Variants in CNTLN observed in about 807,000 individuals in gnomAD.
The protein encoded by CNTLN is centlein, centrosomal protein.
A neutral mutation model predicts 180.0 loss-of-function variants in CNTLN; 212 were observed. The ratio of observed to expected loss-of-function variants is 1.18; its 90% CI spans 1.05 to 1.32. The LOEUF is 1.32. CNTLN is among the 40% of genes most tolerant of loss of function. CNTLN has a pLI of 0.00. For synonymous variants in CNTLN, 722 were observed against 563.1 expected, an observed-to-expected ratio of 1.28 and a Z score of -3.99; for missense variants, 2,095 against 1,610.9, an observed-to-expected ratio of 1.30 and a Z score of -5.14.
At chr9:17,293,342 C>G (rs933640218) in intron 6 of CNTLN, among the ~76,000 whole-genome samples, 1 of 152,232 alleles carries the variant, frequency 6.6e-6, no homozygotes, top group Non-Finnish European at 1.5e-5. Context: ...ATCATCTGGA[C>G]TGCCTGGATT....
chr9:17,477,462 G>T (rs1241864999), intron 23 of CNTLN, among the ~76,000 whole-genome samples: 2 of 152,188 alleles, frequency 1.3e-5, no homozygotes, highest in Non-Finnish European at 2.9e-5. Flanking sequence ...CTTCTGGAAA[G>T]GATTCACCAT....
chr9:17,393,898 T>C (rs949198561), intron 14 of CNTLN, among the ~76,000 whole-genome samples: 4 of 152,154 alleles, frequency 2.6e-5, no homozygotes, highest in African/African-American at 9.7e-5. Flanking sequence ...AAATGTGTGT[T>C]GCCATTGCTA....
intron 13 of CNTLN, among the ~76,000 whole-genome samples, chr9:17,377,033 A>G (rs1824833257): frequency 6.6e-6 from 1 of 152,100 alleles, no homozygotes; most frequent in Non-Finnish European, 1.5e-5. Flanking sequence ...TTTTTTGTAA[A>G]AGTTTTTTGT....
chr9:17,498,575 T>A (rs772236377), intron 25 of CNTLN, among the ~76,000 whole-genome samples: 8 of 152,150 alleles, frequency 5.3e-5, no homozygotes, highest in African/African-American at 9.7e-5. Context: ...TTGTCAGATA[T>A]CCCCGTTAAA....
At chr9:17,316,627 T>G (rs1021909454) in intron 8 of CNTLN, among the ~76,000 whole-genome samples, 12 of 152,116 alleles carry the variant, frequency 7.9e-5, no homozygotes, top group Non-Finnish European at 1.3e-4. Context: ...AGGTAAACCA[T>G]TTTAAGTCAA....
chr9:17,294,832 G>C (rs1331006397), intron 6 of CNTLN, among the ~76,000 whole-genome samples: 1 of 28,178 alleles, frequency 3.5e-5, no homozygotes, highest in Admixed American at 2.6e-4. Context: ...GGGAGGGCGG[G>C]GAGGAGGGGG....
At chr9:17,137,558 C>G (rs1243719586) in intron 1 of CNTLN, among the ~76,000 whole-genome samples, 3 of 151,918 alleles carry the variant, frequency 2.0e-5, no homozygotes, top group African/African-American at 7.3e-5. Context: ...GAATACATGC[C>G]CTAATACTGT....
chr9:17,187,282 C>T (rs1563860743), intron 2 of CNTLN, among the ~76,000 whole-genome samples: 1 of 151,990 alleles, frequency 6.6e-6, no homozygotes. Flanking sequence ...ATGTCAAACT[C>T]TTTTGTAAGT....
intron 18 of CNTLN, among the ~76,000 whole-genome samples, chr9:17,421,856 A>G (rs1475800409): frequency 6.6e-6 from 1 of 152,114 alleles, no homozygotes; most frequent in Non-Finnish European, 1.5e-5. Flanking sequence ...GAAACCTAAT[A>G]TACACTCTCC....
Position 17,394,651 on chromosome 9 carries a change from C to T in CNTLN, c.2197C>T (p.Gln733Ter), listed in dbSNP as rs752571446. ...TCTGAAATCCCTCTTAAAACAGCAA[C>T]AAGAAGATACAGAGACCAGAGAAAA... is the stretch of plus-strand genomic sequence containing the variant. ...DFLKSLLKQQQEDTETREKEL... is the reference protein window; with the variant it reads ...DFLKSLLKQQ Residue 733 changes from glutamine to a stop codon, truncating the protein, a stop_gained, in exon 15 of 26, where the codon CAA (glutamine) becomes TAA (stop). Transcript: ENST00000380647. LOFTEE classifies it high-confidence loss of function. The T allele has an allele frequency of 3.7e-6, 6 of 1,610,538 alleles. No homozygotes were observed. The highest frequency in any genetic ancestry group is 5.1e-6 in the Non-Finnish European group (6 of 1,178,582).
intron 2 of CNTLN, among the ~76,000 whole-genome samples, chr9:17,179,003 G>T (rs987611208): frequency 6.8e-6 from 1 of 146,326 alleles, no homozygotes; most frequent in Admixed American, 6.7e-5. Context: ...CCAGCACTTT[G>T]GGAGGCCGAG....
intron 6 of CNTLN, among the ~76,000 whole-genome samples, chr9:17,287,490 C>A (rs371680469): frequency 6.6e-6 from 1 of 150,950 alleles, no homozygotes; most frequent in African/African-American, 2.4e-5. Flanking sequence ...TGTCTCTGCC[C>A]GGCTTTGGTA....
chr9:17,277,713 T>A (rs1369640205), intron 6 of CNTLN, among the ~76,000 whole-genome samples: 1 of 152,112 alleles, frequency 6.6e-6, no homozygotes, highest in African/African-American at 2.4e-5. Flanking sequence ...TAAAACTTAA[T>A]TGCATCTTTT....
intron 20 of CNTLN, among the ~76,000 whole-genome samples, chr9:17,463,442 T>A (rs117671445): frequency 0.012 from 1,826 of 151,710 alleles, 12 homozygotes; most frequent in Non-Finnish European, 0.019. Context: ...TGTACTCTTG[T>A]GTTTATCAGT....
chr9:17,408,128 C>CAAAAAAA (rs34374959), intron 15 of CNTLN, among the ~76,000 whole-genome samples: 4 of 59,072 alleles, frequency 6.8e-5, no homozygotes, highest in Non-Finnish European at 8.2e-5. Flanking sequence ...GACTCTGTCT[C>CAAAAAAA]AAAAAAAAAA....
rs374789602 is a variant in CNTLN, at chr9:17,453,797, G to C, written c.3115-3727G>C. On this transcript the variant is annotated intron_variant, in intron 18 of 25. Transcript: ENST00000380647. Reference sequence around the variant, plus strand: ...CTCATTGAGGCCTCCCTTAGGTCTTGACTTGTAGCTCGTCTCATAACATGG... The same window carrying C: ...CTCATTGAGGCCTCCCTTAGGTCTTCACTTGTAGCTCGTCTCATAACATGG... Among the ~76,000 whole-genome samples the C allele has an allele frequency of 1.6e-4, 25 of 152,300 alleles. No homozygotes were observed. In the East Asian group the frequency reaches 1.9e-3, roughly 12 times the overall value.
At chr9:17,144,135 A>G (rs960030289) in intron 2 of CNTLN, among the ~76,000 whole-genome samples, 1 of 152,108 alleles carries the variant, frequency 6.6e-6, no homozygotes, top group Non-Finnish European at 1.5e-5. Flanking sequence ...CTTGAATTAT[A>G]TTCACCCTTG....
intron 18 of CNTLN, among the ~76,000 whole-genome samples, chr9:17,432,882 A>G (rs368806208): frequency 6.6e-6 from 1 of 151,886 alleles, no homozygotes; most frequent in Non-Finnish European, 1.5e-5. Context: ...TTAGCCGGGC[A>G]TGGTGGCATG....
At chr9:17,267,527 T>C (rs1181787454) in intron 5 of CNTLN, among the ~76,000 whole-genome samples, 1 of 151,974 alleles carries the variant, frequency 6.6e-6, no homozygotes, top group Non-Finnish European at 1.5e-5. Context: ...TTGGAGTTGC[T>C]CTTCTCGAGG....
Sources: allele counts gnomAD v4.1 joint callset (sites outside exome capture counted in the v4.1 genomes callset), GRCh38; gene constraint gnomAD v4.1.1; transcripts MANE v1.5; gene names NCBI Gene and HGNC (gene_info 2026-07-23, HGNC 2026-07-21).